PATJ: variants seen among roughly 807,000 people sequenced by gnomAD.
PATJ encodes PATJ crumbs cell polarity complex component, also known as inaD-like protein.
Under a neutral mutation model 224.9 loss-of-function variants are expected in PATJ, and 190 were observed. The ratio of observed to expected loss-of-function variants is 0.84; its 90% CI spans 0.75 to 0.95. PATJ has a LOEUF of 0.95. PATJ is among the 40% of genes least tolerant of loss of function. The pLI is 0.00. For missense variants in PATJ, 2,121 were observed against 2,270.3 expected (o/e 0.93, Z 1.34); for synonymous variants, 769 against 820.3 (o/e 0.94, Z 1.07).
intron 27 of PATJ, among the ~76,000 whole-genome samples, chr1:61,952,791 G>C (rs920470855): frequency 5.3e-5 from 8 of 152,128 alleles, no homozygotes; most frequent in African/African-American, 2.4e-5. Context: ...CATTATTGTT[G>C]TTACTTGTGA....
At chr1:61,969,463 T>C (rs1240244207) in intron 27 of PATJ, among the ~76,000 whole-genome samples, 1 of 152,172 alleles carries the variant, frequency 6.6e-6, no homozygotes, top group African/African-American at 2.4e-5. Flanking sequence ...GATTTGCATT[T>C]TTCTCGTTGA....
chr1:62,153,789 G>A (rs1668868589), intron 43 of PATJ, among the ~76,000 whole-genome samples: 1 of 152,170 alleles, frequency 6.6e-6, no homozygotes, highest in South Asian at 2.1e-4. Context: ...GGTGTCCTTG[G>A]AAGTATTGTT....
rs767070042 is a variant in PATJ at position 62,128,041 on chromosome 1, T to C, written c.5113T>C (p.Phe1705Leu). The change falls in exon 40 of 44, where the codon TTT becomes CTT. Residue 1705 changes from phenylalanine (F) to leucine (L), a missense_variant. Physicochemically the swap from Phe to Leu is conservative, Grantham distance 22. Transcript: ENST00000642238. ...AAGTCCCTTAGGAGATATCCCCGTATTTATTGCCATGATTCAGGCTAGCGG... is the reference window on the plus strand; with the variant it reads ...AAGTCCCTTAGGAGATATCCCCGTACTTATTGCCATGATTCAGGCTAGCGG... ...RGSPLGDIPVFIAMIQASGVA... is the reference protein window; with the variant it reads ...RGSPLGDIPVLIAMIQASGVA... 1.2e-6 allele frequency: 2 copies of C among 1,614,168 alleles called. No homozygotes were observed. The highest frequency in any genetic ancestry group is 8.5e-7 in the Non-Finnish European group (1 of 1,179,996).
At chr1:61,961,153 A>G (rs947104093) in intron 27 of PATJ, among the ~76,000 whole-genome samples, 3 of 152,200 alleles carry the variant, frequency 2.0e-5, no homozygotes, top group African/African-American at 7.2e-5. Flanking sequence ...ACAGGGAGGC[A>G]CTCAGATGAT....
intron 31 of PATJ, among the ~76,000 whole-genome samples, chr1:62,059,825 T>C (rs1352006164): frequency 6.6e-6 from 1 of 152,146 alleles, no homozygotes; most frequent in Non-Finnish European, 1.5e-5. Flanking sequence ...GGACAGATTT[T>C]CAACATATAC....
chr1:61,910,632 G>A (rs1011912922), intron 25 of PATJ, among the ~76,000 whole-genome samples: 32 of 122,692 alleles, frequency 2.6e-4, no homozygotes, highest in African/African-American at 7.6e-4. Context: ...CTGAAGCCCC[G>A]ATCTCCTTGG....
chr1:61,917,325 G>A (rs1431550260), intron 26 of PATJ, among the ~76,000 whole-genome samples: 3 of 152,178 alleles, frequency 2.0e-5, no homozygotes, highest in African/African-American at 7.2e-5. Context: ...ATAGTTTTCT[G>A]ACAGTTATAA....
intron 29 of PATJ, among the ~76,000 whole-genome samples, chr1:62,037,464 C>T (rs1187065392): frequency 6.6e-6 from 1 of 152,138 alleles, no homozygotes; most frequent in South Asian, 2.1e-4. Context: ...TGCCCTCCCC[C>T]TCAATCACTC....
At chr1:61,812,433 A>AGAGTGTGTGTGT (rs1397549346) in intron 14 of PATJ, among the ~76,000 whole-genome samples, 31 of 85,204 alleles carry the variant, frequency 3.6e-4, no homozygotes, top group African/African-American at 1.2e-3. Context: ...AGAGAGAGAG[A>AGAGTGTGTGTGT]GTGTGTGTGT....
intron 14 of PATJ, among the ~76,000 whole-genome samples, chr1:61,818,063 G>A (rs565908661): frequency 1.4e-4 from 21 of 151,948 alleles, no homozygotes; most frequent in African/African-American, 3.6e-4. Flanking sequence ...TTATATTCCC[G>A]CTTAAGCATT....
intron 34 of PATJ, among the ~76,000 whole-genome samples, chr1:62,109,038 A>G (rs1253704264): frequency 6.6e-6 from 1 of 152,222 alleles, no homozygotes; most frequent in Non-Finnish European, 1.5e-5. Context: ...AAAAATTGAA[A>G]TGCTTAACTT....
At chr1:61,895,664 C>T (rs1670258759) in intron 22 of PATJ, among the ~76,000 whole-genome samples, 1 of 151,742 alleles carries the variant, frequency 6.6e-6, no homozygotes, top group African/African-American at 2.4e-5. Context: ...GAAGTCAACT[C>T]GGGCAGAGCC....
chr1:61,767,110 T>C (rs1346002814), intron 4 of PATJ, among the ~76,000 whole-genome samples: 2 of 151,814 alleles, frequency 1.3e-5, no homozygotes, highest in Non-Finnish European at 2.9e-5. Flanking sequence ...CTAATGTAAT[T>C]TGGAAAATCT....
chr1:61,909,002 T>C (rs987572935), intron 25 of PATJ, among the ~76,000 whole-genome samples: 1 of 152,194 alleles, frequency 6.6e-6, no homozygotes, highest in Non-Finnish European at 1.5e-5. Context: ...TTTTTTGAGA[T>C]GGAGTCTTGC....
At chr1:61,990,750 G>T (rs1304814209) in intron 28 of PATJ, among the ~76,000 whole-genome samples, 2 of 151,936 alleles carry the variant, frequency 1.3e-5, no homozygotes, top group Non-Finnish European at 2.9e-5. Flanking sequence ...TCAGTTTTTT[G>T]GGGGGAAGTG....
At chr1:62,061,255 C>T (rs998465312) in intron 31 of PATJ, among the ~76,000 whole-genome samples, 5 of 152,040 alleles carry the variant, frequency 3.3e-5, no homozygotes, top group African/African-American at 1.2e-4. Context: ...GATCTTGGCT[C>T]ACTACAATCT....
chr1:62,118,227 G>A (rs1219810321), intron 37 of PATJ, among the ~76,000 whole-genome samples: 1 of 150,648 alleles, frequency 6.6e-6, no homozygotes, highest in African/African-American at 2.5e-5. Context: ...TACATAATGG[G>A]CAGCAAATAT....
At chr1:61,816,929 T>C (rs1185612703) in intron 14 of PATJ, among the ~76,000 whole-genome samples, 1 of 152,140 alleles carries the variant, frequency 6.6e-6, no homozygotes, top group Non-Finnish European at 1.5e-5. Flanking sequence ...ATTCTGTAGG[T>C]TTGGGGTAAG....
intron 33 of PATJ, among the ~76,000 whole-genome samples, chr1:62,103,431 A>G (rs1307009717): frequency 1.3e-5 from 2 of 152,206 alleles, no homozygotes; most frequent in Non-Finnish European, 2.9e-5. Flanking sequence ...ATAGATGTAA[A>G]ATAAATAAGA....
Sources: gnomAD v4.1 joint callset for allele counts (sites outside exome capture counted in the v4.1 genomes callset) on GRCh38, gnomAD v4.1.1 for gene constraint, MANE v1.5 for transcripts, NCBI Gene and HGNC (gene_info 2026-07-23, HGNC 2026-07-21) for gene names.